The following XPA variants were observed in gnomAD, a reference collection of about 807,000 sequenced individuals.
XPA encodes DNA repair protein complementing XP-A cells.
In XPA, 27 loss-of-function variants were observed where a neutral mutation model predicts 35.7. That is an observed-to-expected ratio of 0.76 (90% CI 0.56 to 1.04). The LOEUF (loss-of-function observed/expected upper bound fraction) is 1.04, where lower values mean the gene tolerates loss of function less well. Ranked by LOEUF, XPA falls within the 50% of genes least tolerant of loss-of-function variation. The pLI is 0.00. For synonymous variants in XPA, 133 were observed against 118.4 expected (o/e 1.12, Z -0.80); for missense variants, 354 against 342.7 (o/e 1.03, Z -0.26).
At chr9:97,668,787 G>A in the XPA span, 1 of 1,555,128 alleles carries the variant, frequency 6.4e-7, no homozygotes, top group East Asian at 2.3e-5. Context: ...TCCCCTGGAG[G>A]AGATTTAACA....
the XPA span, chr9:97,669,623 G>A: frequency 6.2e-7 from 1 of 1,612,424 alleles, no homozygotes; most frequent in East Asian, 2.2e-5. Flanking sequence ...CGAGCACCTA[G>A]TACGATGCGA....
chr9:97,655,978 G>A, the XPA span: 1 of 1,577,962 alleles, frequency 6.3e-7, no homozygotes. Flanking sequence ...CAGATTATAT[G>A]TAAGCATTGA....
the XPA span, among the ~76,000 whole-genome samples, chr9:97,655,423 A>T: frequency 6.6e-6 from 1 of 151,960 alleles, no homozygotes; most frequent in East Asian, 1.9e-4. Context: ...CAGTTTCATC[A>T]TCTTTTATAT....
At position 97,693,775 on chromosome 9, in the gene XPA, A is replaced by T. The variant is rs759123520; in HGVS notation, c.173-16T>A. On this transcript the variant is annotated splice_polypyrimidine_tract_variant and intron_variant, in intron 1 of 5. Coordinates refer to ENST00000375128, the MANE Select transcript of XPA (RefSeq NM_000380.4). Reference sequence around the variant, plus strand: ...TTAGCCATGCCTACAAAAGTAAGTAAAAGCAGTCAACAATTGAAGTAGGTA... The same window carrying T: ...TTAGCCATGCCTACAAAAGTAAGTATAAGCAGTCAACAATTGAAGTAGGTA... 4.3e-6 allele frequency: 7 copies of T among 1,609,968 alleles called. No homozygotes were observed. The highest frequency in any genetic ancestry group is 5.9e-6 in the Non-Finnish European group (7 of 1,178,684).
chr9:97,677,748 T>TTTCC (rs1348244233), intron 5 of XPA, among the ~76,000 whole-genome samples: 10 of 144,528 alleles, frequency 6.9e-5, no homozygotes, highest in African/African-American at 2.9e-4. Context: ...AGGTTTGGGT[T>TTTCC]TTTCTTTTTT....
rs150608989 is a variant in XPA at position 97,686,725 on chromosome 9, G to A, written c.555+371C>T. ...GAGGATCACTTGAGCCCTGGAGTTC[G>A]AGACCAGCCTGGGCAATATGGTAAA... On this transcript the variant is annotated intron_variant, in intron 4 of 5. Transcript: ENST00000375128. Among the ~76,000 whole-genome samples the A allele has an allele frequency of 3.4e-4, 52 of 152,040 alleles. 1 individual carries two copies. The East Asian group carries it at 8.8e-3, about 26-fold the overall frequency.
At chr9:97,689,882 G>A (rs1037573005) in intron 2 of XPA, among the ~76,000 whole-genome samples, 1 of 152,114 alleles carries the variant, frequency 6.6e-6, no homozygotes, top group Non-Finnish European at 1.5e-5. Flanking sequence ...CATGTACAAG[G>A]TACTTGTATT....
At chr9:97,696,243 T>C (rs907877994) in intron 1 of XPA, among the ~76,000 whole-genome samples, 14 of 152,224 alleles carry the variant, frequency 9.2e-5, no homozygotes, top group African/African-American at 3.1e-4. Context: ...AAGGGCAGTA[T>C]AGAGCTTTAG....
At chr9:97,663,035 G>A in the XPA span, 1 of 1,609,834 alleles carries the variant, frequency 6.2e-7, no homozygotes, top group South Asian at 1.1e-5. Flanking sequence ...AGGTCTGGAG[G>A]AACCATCCAC....
intron 2 of XPA, among the ~76,000 whole-genome samples, chr9:97,690,155 GCA>G (rs1828841589): frequency 6.6e-6 from 1 of 152,136 alleles, no homozygotes; most frequent in Admixed American, 6.6e-5. Context: ...TTCTCACACG[GCA>G]TCACCCACTT....
intron 2 of XPA, among the ~76,000 whole-genome samples, chr9:97,691,890 T>A (rs189232210): frequency 0.02 from 1,223 of 61,324 alleles, 6 homozygotes; most frequent in Non-Finnish European, 0.026. Flanking sequence ...TAAATAAATA[T>A]ATATATATAT....
intron 1 of XPA, among the ~76,000 whole-genome samples, chr9:97,696,733 T>C (rs756793663): frequency 1.2e-4 from 18 of 152,310 alleles, no homozygotes; most frequent in Middle Eastern, 3.4e-3. Flanking sequence ...GTTCTAGGTA[T>C]AGAGGCCAGA....
In XPA at chr9:97,687,115, T is replaced by G; in HGVS notation, c.536A>C (p.Lys179Thr). 1 of 1,611,166 alleles carries G rather than the reference T, an allele frequency of 6.2e-7. No individual in the cohort carries two copies. Among genetic ancestry groups the G allele is most frequent in the Non-Finnish European group, 8.5e-7 (1 of 1,179,116 alleles). The change falls in exon 4 of 6, where the codon AAA (lysine) becomes ACA (threonine). Residue 179 changes from lysine (K) to threonine (T), a missense_variant. By Grantham distance (78) the Lys-to-Thr change is moderately conservative. Coordinates refer to ENST00000375128, the MANE Select transcript of XPA (RefSeq NM_000380.4). The stretch of plus-strand genomic sequence containing the variant: ...AGAGACCTGTAACTTTAAGTAGAGT[T>G]TCATATCACCCCATTGTGAATGATG... Reference protein sequence around the residue: ...NPHHSQWGDMKLYLKLQIVKR... With the variant: ...NPHHSQWGDMTLYLKLQIVKR...
chr9:97,686,967 G>C (rs1299622546), intron 4 of XPA, 129 bp downstream of exon 4: 3 of 874,508 alleles, frequency 3.4e-6, no homozygotes, highest in South Asian at 1.7e-5. Context: ...ATACATGACT[G>C]TGAAGCATAT....
rs1233616373 is a variant in XPA, at chr9:97,687,165, A to T, written c.486T>A (p.Leu162=). 6.2e-7 allele frequency: 1 copy of T among 1,612,856 alleles called. No individual in the cohort carries two copies. The highest frequency in any genetic ancestry group is 2.2e-5 in the East Asian group (1 of 44,808). ...DCDLEKREPP[L]KFIVKKNPHH... is the part of the protein sequence containing the mutation. ...GTGGATTCTTCTTCACAATAAATTT[A>T]AGAGGTGGCTCTCTTTTTTCTAAAT... The change falls in exon 4 of 6, where the codon CTT becomes CTA. Residue 162 remains leucine, a synonymous_variant. Coordinates refer to ENST00000375128, the MANE Select transcript of XPA (RefSeq NM_000380.4).
chr9:97,690,967 C>G (rs1034048482), intron 2 of XPA, among the ~76,000 whole-genome samples: 1 of 152,188 alleles, frequency 6.6e-6, no homozygotes, highest in African/African-American at 2.4e-5. Flanking sequence ...TTCACAGGTT[C>G]CAGGGTGATT....
intron 1 of XPA, among the ~76,000 whole-genome samples, chr9:97,696,721 T>G (rs983675294): frequency 1.3e-5 from 2 of 152,206 alleles, no homozygotes; most frequent in Non-Finnish European, 2.9e-5. Context: ...TTCCATCAAC[T>G]AGTTCTAGGT....
At chr9:97,674,851 G>C, downstream of XPA, 2 of 403,848 alleles carry the variant, frequency 5.0e-6, no homozygotes, top group Admixed American at 6.9e-5. Context: ...CATTTAAAAA[G>C]CTATCTAGAC....
the XPA span, chr9:97,666,731 CAT>C: frequency 7.2e-7 from 1 of 1,380,788 alleles, no homozygotes; most frequent in Non-Finnish European, 1.0e-6. Flanking sequence ...CATAGCTTGA[CAT>C]ACAGTAACCA....
Sources: gnomAD v4.1 joint callset for allele counts (sites outside exome capture counted in the v4.1 genomes callset) on GRCh38, gnomAD v4.1.1 for gene constraint, MANE v1.5 for transcripts, NCBI Gene and HGNC (gene_info 2026-07-23, HGNC 2026-07-21) for gene names.